SH3GLB2: variants seen among roughly 807,000 people sequenced by gnomAD.
SH3GLB2 encodes the protein SH3 domain containing GRB2 like, endophilin B2, also known as endophilin-B2.
SH3GLB2 carries 24 observed loss-of-function variants against 48.0 expected under a neutral mutation model. That is an observed-to-expected ratio of 0.50 (90% CI 0.36 to 0.70). The LOEUF is 0.70. Among genes scored for constraint, SH3GLB2 ranks in the 30% least tolerant of loss-of-function variants. The probability of loss-of-function intolerance (pLI) is 0.00; values close to 1 mark genes in which losing one functional copy is unlikely to be tolerated. For synonymous variants in SH3GLB2, 227 were observed against 207.6 expected (o/e 1.09, Z -0.80); for missense variants, 425 against 516.0 (o/e 0.82, Z 1.71).
intron 1 of SH3GLB2, among the ~76,000 whole-genome samples, chr9:129,024,421 T>C (rs10988177): frequency 0.54 from 80,751 of 150,212 alleles, 21,896 homozygotes; most frequent in African/African-American, 0.61. Flanking sequence ...ATTAGCCGGG[T>C]GTGGTGGCGG....
chr9:129,012,803 G>T (rs1843201761), intron 5 of SH3GLB2: 1 of 602,842 alleles, frequency 1.7e-6, no homozygotes, highest in Non-Finnish European at 2.9e-6. Flanking sequence ...AGTGACAGGC[G>T]TCCAACATTT....
At position 129,020,204 on chromosome 9, in the gene SH3GLB2, TC is replaced by T. The variant is rs1454036192; in HGVS notation, c.334+886del. ...CCGGACAACAGAGCAAAACTCCATCTCCAAAAAAAAAAAAAAAAAAAAAAAA... is the reference window on the plus strand; with the variant it reads ...CCGGACAACAGAGCAAAACTCCATCTCAAAAAAAAAAAAAAAAAAAAAAAA... On this transcript the variant is annotated intron_variant, in intron 3 of 10. Transcript: ENST00000372564. Among the ~76,000 whole-genome samples the T allele has an allele frequency of 4.5e-3, 108 of 23,954 alleles. 3 individuals carry two copies. In the South Asian group the frequency reaches 0.064, roughly 14 times the overall value. 15.7% of individuals were successfully genotyped at this position (23,954 alleles called of 152,430 possible). A position where few individuals can be genotyped will look rare whatever the true frequency, so the allele number is the denominator to read the frequency against.
At position 129,009,113 on chromosome 9, in the gene SH3GLB2, G is replaced by T; in HGVS notation, c.1073C>A (p.Ala358Asp). Residue 358 changes from alanine (A) to aspartate (D), a missense_variant, in exon 10 of 11, where the codon GCT (alanine) becomes GAT (aspartate). Coordinates refer to ENST00000372564, the MANE Select transcript of SH3GLB2 (RefSeq NM_020145.4). ...AADSSELALL[A>D]DELITVYSLP... is the part of the protein sequence containing the mutation. Reference sequence around the variant, plus strand: ...TTGCGGCACCGGGCCCACCTCATCAGCCAGCAGGGCCAGCTCACTGCTGTC... The same window carrying T: ...TTGCGGCACCGGGCCCACCTCATCATCCAGCAGGGCCAGCTCACTGCTGTC... 1 of 1,608,564 alleles carries T rather than the reference G, an allele frequency of 6.2e-7. No homozygotes were observed.
At chr9:129,020,973 G>T in intron 3 of SH3GLB2, 118 bp downstream of exon 3, 1 of 1,158,676 alleles carries the variant, frequency 8.6e-7, no homozygotes, top group Non-Finnish European at 1.1e-6. Context: ...TTTACATTTA[G>T]AATGAATTCA....
At position 129,008,463 on chromosome 9, in the gene SH3GLB2, G is replaced by T; in HGVS notation, c.*221C>A. On this transcript the variant is annotated 3_prime_UTR_variant, in exon 11 of 11. Transcript: ENST00000372564. ...GTGGGGTGCTCGGGGATGCAGGCAG[G>T]GGCAGGGGCTCCAGAGCCACAGGTC... 1 of 512,042 alleles carries T rather than the reference G, an allele frequency of 2.0e-6. No individual in the cohort carries two copies. The highest frequency in any genetic ancestry group is 2.0e-5 in the South Asian group (1 of 49,954). 31.7% of individuals were successfully genotyped at this position (512,042 alleles called of 1,614,324 possible). A position where few individuals can be genotyped will look rare whatever the true frequency, so the allele number is the denominator to read the frequency against.
intron 5 of SH3GLB2, chr9:129,013,152 C>T: frequency 1.1e-6 from 1 of 919,258 alleles, no homozygotes; most frequent in Non-Finnish European, 1.7e-6. Context: ...AGGGAGGCAC[C>T]ACAGCCTGCC....
In SH3GLB2 at chr9:129,009,776, C is replaced by T. The variant is rs1242403067; in HGVS notation, c.834G>A (p.Leu278=). The change falls in exon 9 of 11, where the codon CTG becomes CTA. Residue 278 remains leucine, a synonymous_variant. Coordinates refer to ENST00000372564, the MANE Select transcript of SH3GLB2 (RefSeq NM_020145.4). Reference sequence around the variant, plus strand: ...CAGCAGTGCTGGCCCCGCACCTGCCCAGCTGCTTCTGCAAGTCCAGCATGT... The same window carrying T: ...CAGCAGTGCTGGCCCCGCACCTGCCTAGCTGCTTCTGCAAGTCCAGCATGT... ...YRHMLDLQKQ[L]GRFPGTFVGT... 6.2e-7 allele frequency: 1 copy of T among 1,612,592 alleles called. No homozygotes were observed. Among genetic ancestry groups the T allele is most frequent in the Admixed American group, 1.7e-5 (1 of 59,794 alleles).
rs1843096145 is a variant in SH3GLB2, at chr9:129,011,122, C to T, written c.625-429G>A. ...GCCTCGTGCTTGAGTCACACTGGGA[C>T]TCAATGGCAAAAGAAAAACAGGGCA... On this transcript the variant is annotated intron_variant, in intron 6 of 10. Transcript: ENST00000372564. The surrounding 1 kb of genome is among the most constrained non-coding windows in gnomAD (Gnocchi z 4.5). 5.7e-6 allele frequency: 1 copy of T among 176,210 alleles called. No individual in the cohort carries two copies. The highest frequency in any genetic ancestry group is 2.4e-5 in the African/African-American group (1 of 42,198). 10.9% of individuals were successfully genotyped at this position (176,210 alleles called of 1,614,324 possible).
intron 1 of SH3GLB2, 91 bp from the exon 2 acceptor site, chr9:129,022,514 AC>A (rs916138378): frequency 8.5e-7 from 1 of 1,175,022 alleles, no homozygotes; most frequent in Non-Finnish European, 1.2e-6. Context: ...GCCCCTCCCC[AC>A]CAGCAGGAAC....
In SH3GLB2 at chr9:129,008,745, A is replaced by G. The variant is rs1015683364; in HGVS notation, c.1127T>C (p.Ile376Thr). 46 of 1,614,010 alleles carry G rather than the reference A, an allele frequency of 2.9e-5. No individual in the cohort carries two copies. Among genetic ancestry groups the G allele is most frequent in the Non-Finnish European group, 3.6e-5 (43 of 1,179,996 alleles). ...SLPGMDPDWL[I>T]GERGNKKGKV... ...GCCCTTCTTGTTGCCTCTCTCGCCA[A>G]TGAGCCAGTCAGGGTCCATGCCAGG... The change falls in exon 11 of 11, where the codon ATT becomes ACT. Residue 376 changes from isoleucine (I) to threonine (T), a missense_variant. By Grantham distance (89) the Ile-to-Thr change is moderately conservative. Transcript: ENST00000372564.
chr9:129,022,881 G>A (rs1843897749), intron 1 of SH3GLB2, among the ~76,000 whole-genome samples: 1 of 152,150 alleles, frequency 6.6e-6, no homozygotes, highest in Admixed American at 6.5e-5. Flanking sequence ...CTAGGGAGAG[G>A]GTGCCAGAGG....
chr9:129,024,345 A>T (rs1302710578), intron 1 of SH3GLB2, among the ~76,000 whole-genome samples: 1 of 151,194 alleles, frequency 6.6e-6, no homozygotes, highest in Non-Finnish European at 1.5e-5. Context: ...GCGGATCACG[A>T]GGTCAGGAGA....
rs1471933877 is a variant in SH3GLB2 at position 129,009,218 on chromosome 9, G to T, written c.968C>A (p.Ala323Asp). The change falls in exon 10 of 11, where the codon GCC (alanine) becomes GAC (aspartate). Residue 323 changes from alanine (A) to aspartate (D), a missense_variant. Coordinates refer to ENST00000372564, the MANE Select transcript of SH3GLB2 (RefSeq NM_020145.4). Reference sequence around the variant, plus strand: ...GGCCACCTCTTCCAGGCAGAGCGAGGCCTCCCCCGGAGGGGCCAGGCTGGC... The same window carrying T: ...GGCCACCTCTTCCAGGCAGAGCGAGTCCTCCCCCGGAGGGGCCAGGCTGGC... ...SVASLAPPGEASLCLEEVAPP... is the reference protein window; with the variant it reads ...SVASLAPPGEDSLCLEEVAPP... The T allele has an allele frequency of 1.2e-6, 2 of 1,606,494 alleles. No individual in the cohort carries two copies. Among genetic ancestry groups the T allele is most frequent in the Non-Finnish European group, 1.7e-6 (2 of 1,176,978 alleles).
chr9:129,010,809 GC>G lies in SH3GLB2; in HGVS notation c.625-117del, dbSNP rs916011921. On this transcript the variant is annotated intron_variant, in intron 6 of 10. Transcript: ENST00000372564. ...TCAACTTCTGCCCCCCTGCCCCTCT[GC>G]CCCCCCTCCCAAACAGGAGCTGAGA... The G allele has an allele frequency of 5.8e-4, 740 of 1,281,536 alleles. 1 individual carries two copies. Among genetic ancestry groups the G allele is most frequent in the South Asian group, 8.3e-4 (62 of 74,294 alleles). 79.4% of individuals were successfully genotyped at this position (1,281,536 alleles called of 1,614,324 possible). A position where few individuals can be genotyped will look rare whatever the true frequency, so the allele number is the denominator to read the frequency against.
chr9:129,012,424 T>C, intron 5 of SH3GLB2, 126 bp from the exon 6 acceptor site: 1 of 494,810 alleles, frequency 2.0e-6, no homozygotes, highest in Non-Finnish European at 3.3e-6. Context: ...GGGACGGGGA[T>C]ACAAACACAA....
chr9:129,027,930 T>C (rs1844256982), intron 1 of SH3GLB2, among the ~76,000 whole-genome samples, 162 bp downstream of exon 1: 1 of 152,124 alleles, frequency 6.6e-6, no homozygotes, highest in African/African-American at 2.4e-5. Context: ...GCTCTTTCCC[T>C]CTTCCGGTCA....
At chr9:129,020,969 T>C (rs1251940912) in intron 3 of SH3GLB2, 122 bp downstream of exon 3, 14 of 1,158,278 alleles carry the variant, frequency 1.2e-5, no homozygotes, top group Admixed American at 3.1e-5. Flanking sequence ...AGTTTTTACA[T>C]TTAGAATGAA....
intron 8 of SH3GLB2, 120 bp from the exon 9 acceptor site, chr9:129,009,991 GC>G: frequency 7.4e-7 from 1 of 1,352,874 alleles, no homozygotes; most frequent in Non-Finnish European, 1.0e-6. Flanking sequence ...CTGCCCCTGC[GC>G]CCACACCCTC....
At chr9:129,010,648 A>G in intron 7 of SH3GLB2, 22 bp downstream of exon 7, 1 of 1,613,242 alleles carries the variant, frequency 6.2e-7, no homozygotes, top group East Asian at 2.2e-5. Context: ...CCTCGAGCCC[A>G]GCCCCCCAGG....
Sources: allele counts gnomAD v4.1 joint callset (sites outside exome capture counted in the v4.1 genomes callset), GRCh38; gene constraint gnomAD v4.1.1; non-coding constraint Gnocchi (gnomAD v3.1); transcripts MANE v1.5; gene names NCBI Gene and HGNC (gene_info 2026-07-23, HGNC 2026-07-21).